The following PSD3 variants were observed in gnomAD, a reference collection of about 807,000 sequenced individuals.
PSD3 encodes the protein PH and SEC7 domain-containing protein 3.
Under a neutral mutation model 105.5 loss-of-function variants are expected in PSD3, and 49 were observed. The ratio of observed to expected loss-of-function variants is 0.46; its 90% CI spans 0.37 to 0.59. The LOEUF (loss-of-function observed/expected upper bound fraction) is 0.59, where lower values mean the gene tolerates loss of function less well. PSD3 is among the 20% of genes least tolerant of loss of function. PSD3 has a pLI of 0.00. For synonymous variants in PSD3, 557 were observed against 457.8 expected (o/e 1.22, Z -2.77); for missense variants, 1,561 against 1,263.8 (o/e 1.24, Z -3.57).
intron 1 of PSD3, among the ~76,000 whole-genome samples, chr8:19,045,374 A>G (rs1429816923): frequency 6.6e-6 from 1 of 152,212 alleles, no homozygotes; most frequent in African/African-American, 2.4e-5. Flanking sequence ...AGGGACCTGT[A>G]TATCCCTCTC....
chr8:18,856,565 G>A (rs77964402), intron 4 of PSD3, among the ~76,000 whole-genome samples: 17,328 of 152,264 alleles, frequency 0.11, 1,225 homozygotes, highest in Admixed American at 0.22. Flanking sequence ...CTTCGCAATA[G>A]TAACTATTCA....
chr8:18,997,195 A>G (rs1826129108), intron 1 of PSD3, among the ~76,000 whole-genome samples: 1 of 151,844 alleles, frequency 6.6e-6, no homozygotes, highest in Non-Finnish European at 1.5e-5. Context: ...CTTCCTCTGT[A>G]ATCCAGATAA....
chr8:18,615,820 G>A (rs1037141152), intron 11 of PSD3, among the ~76,000 whole-genome samples: 1 of 152,180 alleles, frequency 6.6e-6, no homozygotes, highest in Non-Finnish European at 1.5e-5. Flanking sequence ...CACCCCAGAA[G>A]CCAGGGAAGG....
chr8:18,933,592 C>T (rs1473342350), intron 2 of PSD3, among the ~76,000 whole-genome samples: 5 of 152,098 alleles, frequency 3.3e-5, no homozygotes, highest in East Asian at 3.9e-4. Flanking sequence ...CTCAGCCTCC[C>T]GAGTAGCTAG....
At chr8:18,867,041 T>C (rs1816995797) in intron 4 of PSD3, among the ~76,000 whole-genome samples, 1 of 152,112 alleles carries the variant, frequency 6.6e-6, no homozygotes, top group Non-Finnish European at 1.5e-5. Flanking sequence ...GCATGGTGGA[T>C]ACAATGTACA....
intron 1 of PSD3, among the ~76,000 whole-genome samples, chr8:19,071,273 G>C (rs1354249422): frequency 1.3e-5 from 2 of 151,992 alleles, no homozygotes; most frequent in African/African-American, 4.8e-5. Context: ...TTGCCGTGTT[G>C]GCCAGGCTGG....
intron 1 of PSD3, among the ~76,000 whole-genome samples, chr8:18,941,593 A>C (rs964393851): frequency 1.3e-5 from 2 of 151,880 alleles, no homozygotes; most frequent in Non-Finnish European, 2.9e-5. Context: ...CATTCACGTT[A>C]TCCAACTCGC....
chr8:18,842,081 G>T (rs956413412), intron 4 of PSD3, among the ~76,000 whole-genome samples: 1 of 152,004 alleles, frequency 6.6e-6, no homozygotes, highest in East Asian at 1.9e-4. Flanking sequence ...ATGTTAACCA[G>T]GATTTCCAAA....
intron 1 of PSD3, among the ~76,000 whole-genome samples, chr8:18,983,161 C>A (rs1282769172): frequency 6.6e-6 from 1 of 152,232 alleles, no homozygotes; most frequent in Non-Finnish European, 1.5e-5. Flanking sequence ...ACCTTATGAA[C>A]CAATGTCTGC....
chr8:18,963,933 G>C (rs1257861676), intron 1 of PSD3, among the ~76,000 whole-genome samples: 5 of 152,120 alleles, frequency 3.3e-5, no homozygotes, highest in Non-Finnish European at 7.4e-5. Context: ...GATGGTGTTT[G>C]TTTCAGGTAA....
intron 9 of PSD3, among the ~76,000 whole-genome samples, chr8:18,736,435 G>C (rs1403923469): frequency 6.6e-6 from 1 of 152,122 alleles, no homozygotes; most frequent in African/African-American, 2.4e-5. Context: ...ATCATCAACT[G>C]TGTTTATTAG....
intron 9 of PSD3, among the ~76,000 whole-genome samples, chr8:18,691,208 C>T (rs1417986220): frequency 6.6e-6 from 1 of 152,170 alleles, no homozygotes; most frequent in Non-Finnish European, 1.5e-5. Flanking sequence ...AGGGGGAACA[C>T]CCGTATAAGT....
At chr8:19,045,166 C>T (rs753532971) in intron 1 of PSD3, among the ~76,000 whole-genome samples, 2 of 151,514 alleles carry the variant, frequency 1.3e-5, no homozygotes, top group Admixed American at 6.6e-5. Context: ...GCCAGGGTGA[C>T]GGAGCAAGAC....
intron 15 of PSD3, among the ~76,000 whole-genome samples, chr8:18,544,088 A>C (rs1397501772): frequency 6.6e-6 from 1 of 151,676 alleles, no homozygotes; most frequent in Non-Finnish European, 1.5e-5. Flanking sequence ...CTTAAGACAA[A>C]ATGAGCAGAA....
chr8:18,849,473 CACTTCA>C (rs973008768), intron 4 of PSD3: 2 of 152,140 alleles, frequency 1.3e-5, no homozygotes, highest in African/African-American at 4.8e-5. Flanking sequence ...ATGCTAACAG[CACTTCA>C]ATATTTTTCA....
chr8:18,735,770 T>A (rs925888730), intron 9 of PSD3, among the ~76,000 whole-genome samples: 3 of 152,156 alleles, frequency 2.0e-5, no homozygotes, highest in African/African-American at 4.8e-5. Flanking sequence ...GATTATTGGA[T>A]ACCAACAACA....
chr8:18,978,241 G>A (rs1398322156), intron 1 of PSD3, among the ~76,000 whole-genome samples: 1 of 152,198 alleles, frequency 6.6e-6, no homozygotes, highest in Non-Finnish European at 1.5e-5. Context: ...CCACACGCTG[G>A]GTTTCAACAC....
intron 1 of PSD3, among the ~76,000 whole-genome samples, chr8:18,971,137 A>G (rs1231477108): frequency 6.6e-6 from 1 of 152,196 alleles, no homozygotes; most frequent in African/African-American, 2.4e-5. Flanking sequence ...TAAAACAGTC[A>G]AATAAGGACC....
intron 1 of PSD3, among the ~76,000 whole-genome samples, chr8:19,052,027 C>A (rs1828546635): frequency 1.3e-5 from 2 of 152,142 alleles, no homozygotes; most frequent in South Asian, 4.1e-4. Context: ...GGCATTTGTG[C>A]CAGGGTCCAC....
Sources: allele counts gnomAD v4.1 joint callset (sites outside exome capture counted in the v4.1 genomes callset), GRCh38; gene constraint gnomAD v4.1.1; transcripts MANE v1.5; gene names NCBI Gene and HGNC (gene_info 2026-07-23, HGNC 2026-07-21).